Variants in GALNT13 observed in about 807,000 individuals in gnomAD.
The protein encoded by GALNT13 is polypeptide N-acetylgalactosaminyltransferase 13.
A neutral mutation model predicts 64.2 loss-of-function variants in GALNT13; 28 were observed. That is an observed-to-expected ratio of 0.44 (90% CI 0.32 to 0.60). The LOEUF is 0.60. Ranked by LOEUF, GALNT13 falls within the 20% of genes least tolerant of loss-of-function variation. The pLI, the probability that GALNT13 is intolerant of heterozygous loss-of-function variation, is 0.05. For synonymous variants in GALNT13, 214 were observed against 224.6 expected, an observed-to-expected ratio of 0.95 and a Z score of 0.42; for missense variants, 577 against 669.8, an observed-to-expected ratio of 0.86 and a Z score of 1.53.
the GALNT13 span, among the ~76,000 whole-genome samples, chr2:153,715,352 CG>C: frequency 6.6e-6 from 1 of 152,190 alleles, no homozygotes; most frequent in African/African-American, 2.4e-5. Context: ...TCAGAGGTAG[CG>C]GCTGATTGCT....
chr2:153,745,661 A>T, the GALNT13 span, among the ~76,000 whole-genome samples: 1 of 152,176 alleles, frequency 6.6e-6, no homozygotes, highest in Non-Finnish European at 1.5e-5. Context: ...TTCAAATATT[A>T]AGCATAGGTT....
chr2:154,024,996 T>A (rs1405019255), intron 3 of GALNT13, among the ~76,000 whole-genome samples: 1 of 152,182 alleles, frequency 6.6e-6, no homozygotes, highest in Non-Finnish European at 1.5e-5. Flanking sequence ...CAGCGGTGGC[T>A]GCAGAACAGC....
At position 154,053,993 on chromosome 2, in the gene GALNT13, A is replaced by C. The variant is rs1699776034; in HGVS notation, c.143-86344A>C. Among the ~76,000 whole-genome samples, 2 of 152,030 alleles carry C rather than the reference A, an allele frequency of 1.3e-5. 1 individual carries two copies. The highest frequency in any genetic ancestry group is 4.1e-4 in the South Asian group (2 of 4,824). ...TCTTGATACTTCTCTTTCTCCTTTT[A>C]TCACCTTTTGCCTAAGGAAATCTAA... On this transcript the variant is annotated intron_variant, in intron 3 of 12. Transcript: ENST00000392825.
chr2:153,685,329 T>A, the GALNT13 span, among the ~76,000 whole-genome samples: 2 of 152,036 alleles, frequency 1.3e-5, no homozygotes, highest in Admixed American at 6.6e-5. Context: ...CAGCATCTGC[T>A]ATCTTTTGAC....
At chr2:154,152,698 TA>T (rs1199216305) in intron 4 of GALNT13, among the ~76,000 whole-genome samples, 2 of 152,222 alleles carry the variant, frequency 1.3e-5, no homozygotes, top group African/African-American at 2.4e-5. Flanking sequence ...CCATCACTGA[TA>T]CTCTTTCTTC....
the GALNT13 span, among the ~76,000 whole-genome samples, chr2:153,847,021 C>A: frequency 6.6e-6 from 1 of 151,522 alleles, no homozygotes; most frequent in Non-Finnish European, 1.5e-5. Flanking sequence ...TATAAGGACA[C>A]CTAAAAGTTG....
chr2:153,706,465 A>G, the GALNT13 span, among the ~76,000 whole-genome samples: 2 of 152,264 alleles, frequency 1.3e-5, no homozygotes, highest in African/African-American at 4.8e-5. Context: ...AATGTATTAG[A>G]TAATTTAAAT....
At chr2:153,982,598 A>G (rs568889721) in intron 3 of GALNT13, among the ~76,000 whole-genome samples, 1 of 151,494 alleles carries the variant, frequency 6.6e-6, no homozygotes, top group East Asian at 1.9e-4. Flanking sequence ...ACCATTTTAT[A>G]GGTGAGAAGC....
At chr2:154,286,868 G>C in intron 8 of GALNT13, 2 of 394,380 alleles carry the variant, frequency 5.1e-6, no homozygotes, top group South Asian at 2.3e-5. Flanking sequence ...ATCATACTTT[G>C]TATCCTCTTC....
chr2:154,126,552 G>A (rs1278704487), intron 3 of GALNT13, among the ~76,000 whole-genome samples: 2 of 151,450 alleles, frequency 1.3e-5, no homozygotes, highest in Non-Finnish European at 1.5e-5. Flanking sequence ...GGAGAATGGC[G>A]TGAACCCGGG....
chr2:154,454,135 T>C (rs1351985987), downstream of GALNT13, among the ~76,000 whole-genome samples: 1 of 152,186 alleles, frequency 6.6e-6, no homozygotes, highest in South Asian at 2.1e-4. Context: ...AAATTTATCT[T>C]CTAAGTGCAG....
chr2:153,504,767 T>C, the GALNT13 span, among the ~76,000 whole-genome samples: 1 of 152,228 alleles, frequency 6.6e-6, no homozygotes, highest in Admixed American at 6.5e-5. Context: ...TTTGATATAC[T>C]GTTGGATTTG....
chr2:153,415,756 C>A, the GALNT13 span, among the ~76,000 whole-genome samples: 1 of 152,034 alleles, frequency 6.6e-6, no homozygotes, highest in African/African-American at 2.4e-5. Flanking sequence ...AAATAGAAAC[C>A]TTTCTGTGCT....
intron 9 of GALNT13, among the ~76,000 whole-genome samples, chr2:154,319,552 C>T (rs1643080063): frequency 6.6e-6 from 1 of 151,772 alleles, no homozygotes; most frequent in African/African-American, 2.4e-5. Context: ...GTAATCCCAG[C>T]TACTTGGGAA....
intron 4 of GALNT13, among the ~76,000 whole-genome samples, chr2:154,187,402 AC>A (rs1686315666): frequency 6.6e-6 from 1 of 151,164 alleles, no homozygotes; most frequent in African/African-American, 2.4e-5. Context: ...ACACACACAC[AC>A]ACACACACAC....
At chr2:154,173,529 A>G (rs995353318) in intron 4 of GALNT13, among the ~76,000 whole-genome samples, 2 of 151,998 alleles carry the variant, frequency 1.3e-5, no homozygotes, top group African/African-American at 4.8e-5. Context: ...AAGCTCGAGT[A>G]ACCAAAGAAA....
the GALNT13 span, among the ~76,000 whole-genome samples, chr2:153,143,671 T>A: frequency 6.6e-6 from 1 of 152,184 alleles, no homozygotes; most frequent in Non-Finnish European, 1.5e-5. Flanking sequence ...TTAAGACTTG[T>A]GGACTATATT....
chr2:153,089,324 G>A, the GALNT13 span, among the ~76,000 whole-genome samples: 2 of 152,252 alleles, frequency 1.3e-5, no homozygotes, highest in East Asian at 1.9e-4. Flanking sequence ...GGCTTGTAAT[G>A]TTTCTGCTGA....
chr2:153,344,787 G>A, the GALNT13 span, among the ~76,000 whole-genome samples: 2 of 152,118 alleles, frequency 1.3e-5, no homozygotes, highest in Non-Finnish European at 2.9e-5. Flanking sequence ...ATGAGGTGAT[G>A]GATATATTAA....
Sources: gnomAD v4.1 joint callset for allele counts (sites outside exome capture counted in the v4.1 genomes callset) on GRCh38, gnomAD v4.1.1 for gene constraint, MANE v1.5 for transcripts, NCBI Gene and HGNC (gene_info 2026-07-23, HGNC 2026-07-21) for gene names.